COG7: variants seen among roughly 807,000 people sequenced by gnomAD.
The protein encoded by COG7 is conserved oligomeric Golgi complex subunit 7.
COG7 carries 49 observed loss-of-function variants against 91.5 expected under a neutral mutation model. The ratio of observed to expected loss-of-function variants is 0.54; its 90% confidence interval spans 0.43 to 0.68. The LOEUF is 0.68. Ranked by LOEUF, COG7 falls within the 30% of genes least tolerant of loss-of-function variation. The pLI, the probability that COG7 is intolerant of heterozygous loss-of-function variation, is 0.00. For synonymous variants in COG7, 365 were observed against 388.7 expected (o/e 0.94, Z 0.72); for missense variants, 895 against 961.3 (o/e 0.93, Z 0.91).
chr16:23,437,672 T>C (rs1037094000), intron 4 of COG7, among the ~76,000 whole-genome samples: 1 of 146,538 alleles, frequency 6.8e-6, no homozygotes, highest in African/African-American at 2.5e-5. Context: ...GAAATTCCAC[T>C]ATTTTTCAGT....
At chr16:23,396,538 G>A in intron 14 of COG7, among the ~76,000 whole-genome samples, 1 of 151,814 alleles carries the variant, frequency 6.6e-6, no homozygotes, top group Admixed American at 6.6e-5. Context: ...AATTAGCCAG[G>A]TGTGGTGGTG....
intron 1 of COG7, among the ~76,000 whole-genome samples, chr16:23,450,565 C>T (rs1203912126): frequency 3.9e-5 from 6 of 152,192 alleles, no homozygotes; most frequent in African/African-American, 1.2e-4. Context: ...CGGTGGCTCA[C>T]GCCTGTAATC....
intron 11 of COG7, among the ~76,000 whole-genome samples, chr16:23,407,690 G>C (rs1474141408): frequency 6.6e-6 from 1 of 152,132 alleles, no homozygotes; most frequent in African/African-American, 2.4e-5. Context: ...TTCTTCATTT[G>C]TGAATTACTA....
intron 4 of COG7, among the ~76,000 whole-genome samples, chr16:23,435,960 G>C (rs1194459670): frequency 6.6e-6 from 1 of 152,170 alleles, no homozygotes; most frequent in Non-Finnish European, 1.5e-5. Flanking sequence ...CCATAGGCCA[G>C]GTGTGGTGGC....
chr16:23,428,055 C>T (rs1963876679), intron 6 of COG7, among the ~76,000 whole-genome samples: 1 of 152,050 alleles, frequency 6.6e-6, no homozygotes, highest in Non-Finnish European at 1.5e-5. Context: ...CATGCACCTG[C>T]AGTCCCAGCT....
At chr16:23,444,925 C>A (rs74480471) in intron 3 of COG7, 123 bp downstream of exon 3, 1 of 810,086 alleles carries the variant, frequency 1.2e-6, no homozygotes. Flanking sequence ...ATCTTCCCCA[C>A]CCTGAGTCTG....
rs2142094162 is a variant in COG7, at chr16:23,442,657, C to G, written c.436-12G>C. 1 of 1,608,368 alleles carries G rather than the reference C, an allele frequency of 6.2e-7. No individual in the cohort carries two copies. The highest frequency in any genetic ancestry group is 8.5e-7 in the Non-Finnish European group (1 of 1,174,796). ...ATCACAGCTATGTCCTAGAAAAGAC[C>G]AGAATAGAGAATATTTATTTTAAAT... On this transcript the variant is annotated splice_polypyrimidine_tract_variant and intron_variant, in intron 3 of 16. Transcript: ENST00000307149.
rs957678850 is a variant in COG7, at chr16:23,392,837, A to T, written c.2003-314T>A. ...TCCCAGCTACTCAGGAGGCTGAGGCAGGAGAATTGCTTGAACCCAGGAGGC... is the reference window on the plus strand; with the variant it reads ...TCCCAGCTACTCAGGAGGCTGAGGCTGGAGAATTGCTTGAACCCAGGAGGC... On this transcript the variant is annotated intron_variant, in intron 15 of 16. Transcript: ENST00000307149. 2.6e-5 allele frequency among the ~76,000 whole-genome samples: 4 copies of T among 152,302 alleles called. No individual in the cohort carries two copies. In the East Asian group the frequency reaches 7.7e-4, roughly 29 times the overall value.
intron 4 of COG7, among the ~76,000 whole-genome samples, chr16:23,436,128 G>A (rs189588961): frequency 1.2e-3 from 182 of 152,222 alleles, no homozygotes; most frequent in African/African-American, 4.2e-3. Flanking sequence ...AGGCTGAGCT[G>A]GGAGTATCAC....
At position 23,388,783 on chromosome 16, in the gene COG7, A is replaced by T; in HGVS notation, c.*137T>A. On this transcript the variant is annotated 3_prime_UTR_variant, in exon 17 of 17. Transcript: ENST00000307149. ...CCAAAGTGCTGGGATTACAGGCGTG[A>T]GCCACCGTGACCAGCTGAACCAAGT... is the stretch of plus-strand genomic sequence containing the variant. 6.8e-7 allele frequency: 1 copy of T among 1,473,628 alleles called. No homozygotes were observed. The highest frequency in any genetic ancestry group is 1.3e-5 in the South Asian group (1 of 76,508). 91.3% of individuals were successfully genotyped at this position (1,473,628 alleles called of 1,614,324 possible). A position where few individuals can be genotyped will look rare whatever the true frequency, so the allele number is the denominator to read the frequency against.
intron 4 of COG7, among the ~76,000 whole-genome samples, chr16:23,438,956 G>A (rs1215654593): frequency 2.6e-5 from 4 of 151,760 alleles, no homozygotes; most frequent in Admixed American, 1.3e-4. Context: ...CCAGGAGTTC[G>A]AGACCAGCCT....
intron 13 of COG7, among the ~76,000 whole-genome samples, chr16:23,402,319 G>T (rs1963391265): frequency 6.6e-6 from 1 of 151,024 alleles, no homozygotes; most frequent in Non-Finnish European, 1.5e-5. Context: ...ATTTCTCAAT[G>T]GTGGGATCTT....
At position 23,452,911 on chromosome 16, in the gene COG7, C is replaced by T; in HGVS notation, c.84G>A (p.Ala28=). 1.2e-6 allele frequency: 2 copies of T among 1,614,100 alleles called. No individual in the cohort carries two copies. Among genetic ancestry groups the T allele is most frequent in the South Asian group, 1.1e-5 (1 of 91,084 alleles). The change falls in exon 1 of 17, where the codon GCG becomes GCA. Residue 28 remains alanine (A), a synonymous_variant. Transcript: ENST00000307149. ...NAAFRAGSKE[A]ASGKADGHAA... is the part of the protein sequence containing the mutation. ...CGTGGCCATCCGCCTTCCCGGACGC[C>T]GCCTCCTTGGAGCCGGCCCTGAAGG... is the stretch of plus-strand genomic sequence containing the variant.
intron 10 of COG7, among the ~76,000 whole-genome samples, chr16:23,411,154 A>C (rs1227544583): frequency 6.6e-6 from 1 of 152,226 alleles, no homozygotes; most frequent in East Asian, 1.9e-4. Context: ...TTTGTTTCTC[A>C]GAGATAAGCC....
intron 6 of COG7, among the ~76,000 whole-genome samples, chr16:23,433,192 C>A (rs1596946431): frequency 6.6e-6 from 1 of 152,138 alleles, no homozygotes; most frequent in Admixed American, 6.6e-5. Context: ...GTGGCCTCAA[C>A]CTCCTGGACG....
chr16:23,434,527 G>C, intron 5 of COG7, 109 bp downstream of exon 5: 1 of 844,220 alleles, frequency 1.2e-6, no homozygotes, highest in South Asian at 1.4e-5. Flanking sequence ...ACAGCCAGAG[G>C]GCAAGGAGAC....
chr16:23,410,419 C>T, intron 10 of COG7, 59 bp from the exon 11 acceptor site: 5 of 1,364,800 alleles, frequency 3.7e-6, no homozygotes, highest in South Asian at 2.4e-5. Context: ...CTTTACAGGA[C>T]AAACATTGTC....
Position 23,388,707 on chromosome 16 carries a change from G to T in COG7, c.*213C>A, listed in dbSNP as rs1202056120. On this transcript the variant is annotated 3_prime_UTR_variant, in exon 17 of 17. Transcript: ENST00000307149. ...AGTAGAGATGGGGTTTCACCATGTTGGTCAGGCTGGTCTCGAACTCCTGGC... is the reference window on the plus strand; with the variant it reads ...AGTAGAGATGGGGTTTCACCATGTTTGTCAGGCTGGTCTCGAACTCCTGGC... 9.0e-6 allele frequency: 5 copies of T among 554,434 alleles called. No individual in the cohort carries two copies. Among genetic ancestry groups the T allele is most frequent in the Admixed American group, 3.9e-5 (1 of 25,926 alleles). The allele number at this position is 554,434 out of a possible 1,614,324, so 34.3% of individuals were successfully genotyped here.
At chr16:23,423,682 A>C (rs1484089468) in intron 7 of COG7, among the ~76,000 whole-genome samples, 1 of 152,250 alleles carries the variant, frequency 6.6e-6, no homozygotes, top group Admixed American at 6.5e-5. Context: ...AATTATACAC[A>C]GATGTAATTA....
Sources: allele counts gnomAD v4.1 joint callset (sites outside exome capture counted in the v4.1 genomes callset), GRCh38; gene constraint gnomAD v4.1.1; transcripts MANE v1.5; gene names NCBI Gene and HGNC (gene_info 2026-07-23, HGNC 2026-07-21).